The following TMEM245 variants were observed in gnomAD, a reference collection of about 807,000 sequenced individuals.
TMEM245 encodes protein CG-2.
In TMEM245, 69 loss-of-function variants were observed where a neutral mutation model predicts 101.2. That is an observed-to-expected ratio of 0.68 (90% CI 0.56 to 0.83). The LOEUF (loss-of-function observed/expected upper bound fraction) is 0.83, where lower values mean the gene tolerates loss of function less well. Ranked by LOEUF, TMEM245 falls within the 40% of genes least tolerant of loss-of-function variation. The probability of loss-of-function intolerance (pLI) is 0.00; values close to 1 mark genes in which losing one functional copy is unlikely to be tolerated. For synonymous variants in TMEM245, 537 were observed against 449.8 expected (o/e 1.19, Z -2.45); for missense variants, 1,075 against 1,092.8 (o/e 0.98, Z 0.23).
intron 1 of TMEM245, among the ~76,000 whole-genome samples, chr9:109,109,729 C>T (rs1370717607): frequency 1.3e-5 from 2 of 151,968 alleles, no homozygotes; most frequent in African/African-American, 2.4e-5. Flanking sequence ...AAAGTGATTA[C>T]CTAAAAGGTC....
chr9:109,114,308 T>G (rs1830650293), intron 1 of TMEM245, among the ~76,000 whole-genome samples: 1 of 152,218 alleles, frequency 6.6e-6, no homozygotes, highest in Non-Finnish European at 1.5e-5. Context: ...CCTTGTTTCT[T>G]GCTGCCAGGC....
intron 1 of TMEM245, among the ~76,000 whole-genome samples, chr9:109,112,019 C>G (rs1830579157): frequency 6.6e-6 from 1 of 151,912 alleles, no homozygotes; most frequent in South Asian, 2.1e-4. Flanking sequence ...TGAAGTGTTT[C>G]CTCAGAAAAG....
rs568522559 is a variant in TMEM245, at chr9:109,039,506, G to A, written c.2124-1389C>T. Among the ~76,000 whole-genome samples the A allele has an allele frequency of 2.0e-5, 3 of 152,226 alleles. No individual in the cohort carries two copies. In the East Asian group the frequency reaches 5.8e-4, roughly 29 times the overall value. On this transcript the variant is annotated intron_variant, in intron 14 of 17. Coordinates refer to ENST00000374586, the MANE Select transcript of TMEM245 (RefSeq NM_032012.4). ...GAGGCATGCAAGAAAAGGGCAGTTT[G>A]TTTAGTATGGGCAACAGGAACTCAA...
chr9:109,118,934 C>G (rs1159434837), intron 1 of TMEM245, among the ~76,000 whole-genome samples: 1 of 152,160 alleles, frequency 6.6e-6, no homozygotes, highest in Non-Finnish European at 1.5e-5. Context: ...TCTCTAAGGT[C>G]CCTTCCAGCT....
chr9:109,106,118 T>C (rs1830411616), intron 3 of TMEM245, among the ~76,000 whole-genome samples: 1 of 150,444 alleles, frequency 6.6e-6, no homozygotes, highest in Admixed American at 6.6e-5. Context: ...CCTCGCTACT[T>C]GGGAGGATAA....
rs1051005983 is a variant in TMEM245, at chr9:109,036,230, G to A, written c.2375C>T (p.Thr792Ile). The A allele has an allele frequency of 2.5e-5, 41 of 1,611,448 alleles. No individual in the cohort carries two copies. The highest frequency in any genetic ancestry group is 3.2e-5 in the Non-Finnish European group (38 of 1,179,522). The change falls in exon 16 of 18, where the codon ACT becomes ATT. Residue 792 changes from threonine to isoleucine, a missense_variant. Thr to Ile is a moderately conservative substitution (Grantham distance 89). Coordinates refer to ENST00000374586, the MANE Select transcript of TMEM245 (RefSeq NM_032012.4). ...FHLLPTYFVD[T>I]AIYSDISGGG... Reference sequence around the variant, plus strand: ...CCCTGATATGTCAGAGTAGATTGCAGTATCTACAAAGTATGTTGGCAAGAG... The same window carrying A: ...CCCTGATATGTCAGAGTAGATTGCAATATCTACAAAGTATGTTGGCAAGAG...
intron 14 of TMEM245, among the ~76,000 whole-genome samples, chr9:109,049,852 T>C (rs991589434): frequency 6.6e-6 from 1 of 152,082 alleles, no homozygotes; most frequent in African/African-American, 2.4e-5. Flanking sequence ...TGGAGCGCAG[T>C]GGCGTGATCA....
chr9:109,034,056 A>C (rs1182291959), intron 16 of TMEM245, among the ~76,000 whole-genome samples: 1 of 152,232 alleles, frequency 6.6e-6, no homozygotes, highest in Non-Finnish European at 1.5e-5. Flanking sequence ...TTTCTATTTC[A>C]CAGGAGAATC....
At chr9:109,085,928 A>C in intron 7 of TMEM245, 69 bp downstream of exon 7, 1 of 1,518,720 alleles carries the variant, frequency 6.6e-7, no homozygotes, top group Non-Finnish European at 9.1e-7. Flanking sequence ...AGAAACATAG[A>C]GTGAAAAAGG....
chr9:109,099,586 A>C (rs1411018169), intron 3 of TMEM245, among the ~76,000 whole-genome samples: 1 of 152,182 alleles, frequency 6.6e-6, no homozygotes, highest in Non-Finnish European at 1.5e-5. Flanking sequence ...TCTGAGCCTA[A>C]GTTTCTTCAT....
In TMEM245 at chr9:109,050,921, T is replaced by TA. The variant is rs554125001; in HGVS notation, c.1855-230dup. 4.0e-5 allele frequency among the ~76,000 whole-genome samples: 6 copies of TA among 151,414 alleles called. No individual in the cohort carries two copies. The South Asian group carries it at 8.4e-4, about 21-fold the overall frequency. The stretch of plus-strand genomic sequence containing the variant: ...CACACCAAATAATATAGACAGCAAT[T>TA]AAAAACATCACTGTTATAACATGGG... On this transcript the variant is annotated intron_variant, in intron 12 of 17. Transcript: ENST00000374586.
At chr9:109,105,500 G>A (rs2132633980) in intron 3 of TMEM245, among the ~76,000 whole-genome samples, 1 of 152,258 alleles carries the variant, frequency 6.6e-6, no homozygotes, top group Non-Finnish European at 1.5e-5. Context: ...TCTACTCATA[G>A]GTAAACAAAG....
intron 12 of TMEM245, among the ~76,000 whole-genome samples, chr9:109,056,973 T>G (rs1828857142): frequency 6.6e-6 from 1 of 152,110 alleles, no homozygotes; most frequent in South Asian, 2.1e-4. Flanking sequence ...CCTGGTCATC[T>G]CTCAGTTACT....
At chr9:109,050,188 CACTG>C in intron 14 of TMEM245, 91 bp downstream of exon 14, 1 of 1,408,338 alleles carries the variant, frequency 7.1e-7, no homozygotes, top group Non-Finnish European at 9.8e-7. Context: ...ACGAGTTTAG[CACTG>C]AATGTTATCA....
intron 14 of TMEM245, chr9:109,039,198 G>A (rs561716414): frequency 1.3e-5 from 2 of 152,212 alleles, no homozygotes; most frequent in African/African-American, 4.8e-5. Context: ...GGATCCAGGG[G>A]CAGAGTGGCT....
chr9:109,119,096 G>A (rs1182547878), intron 1 of TMEM245, among the ~76,000 whole-genome samples: 5 of 152,220 alleles, frequency 3.3e-5, no homozygotes, highest in South Asian at 2.1e-4. Context: ...CCCTAAGAGG[G>A]CCTATTAGGA....
intron 14 of TMEM245, among the ~76,000 whole-genome samples, chr9:109,044,660 T>C (rs1233005181): frequency 6.6e-6 from 1 of 152,146 alleles, no homozygotes; most frequent in Non-Finnish European, 1.5e-5. Flanking sequence ...GACTGCTCTC[T>C]ACATATTTAT....
chr9:109,103,148 T>C (rs1369376374), intron 3 of TMEM245, among the ~76,000 whole-genome samples: 1 of 152,162 alleles, frequency 6.6e-6, no homozygotes, highest in Non-Finnish European at 1.5e-5. Context: ...GGCATGCAAA[T>C]TAGAAAGGAA....
chr9:109,029,020 A>C (rs1041257165), intron 17 of TMEM245, among the ~76,000 whole-genome samples: 3 of 152,200 alleles, frequency 2.0e-5, no homozygotes, highest in African/African-American at 4.8e-5. Flanking sequence ...ATGTCATACA[A>C]AATATAAACC....
Sources: gnomAD v4.1 joint callset for allele counts (sites outside exome capture counted in the v4.1 genomes callset) on GRCh38, gnomAD v4.1.1 for gene constraint, MANE v1.5 for transcripts, NCBI Gene and HGNC (gene_info 2026-07-23, HGNC 2026-07-21) for gene names.